Variants in PTPN9 observed in about 807,000 individuals in gnomAD.
PTPN9 encodes tyrosine-protein phosphatase non-receptor type 9.
A neutral mutation model predicts 69.8 loss-of-function variants in PTPN9; 26 were observed. The ratio of observed to expected loss-of-function variants is 0.37; its 90% confidence interval spans 0.27 to 0.52. PTPN9 has a LOEUF of 0.52. Among genes scored for constraint, PTPN9 ranks in the 20% least tolerant of loss-of-function variants. The pLI is 0.91. For synonymous variants in PTPN9, 274 were observed against 272.5 expected (o/e 1.01, Z -0.05); for missense variants, 549 against 740.3 (o/e 0.74, Z 3.00).
intron 6 of PTPN9, among the ~76,000 whole-genome samples, chr15:75,507,641 C>T (rs1396950132): frequency 6.6e-6 from 1 of 151,798 alleles, no homozygotes; most frequent in Admixed American, 6.6e-5. Context: ...ACAGCACACG[C>T]CTGTAGTCCC....
chr15:75,474,731 C>T (rs907329154), intron 9 of PTPN9, among the ~76,000 whole-genome samples: 1 of 152,156 alleles, frequency 6.6e-6, no homozygotes, highest in East Asian at 1.9e-4. Flanking sequence ...TCTCCCCATC[C>T]TGTTCTTCCT....
At chr15:75,471,052 C>G (rs1204283666) in intron 10 of PTPN9, 1 of 546,676 alleles carries the variant, frequency 1.8e-6, no homozygotes, top group African/African-American at 1.9e-5. Flanking sequence ...CAGACAGTTA[C>G]TGAGCACTTA....
In PTPN9 at chr15:75,463,297, A is replaced by C. The variant is rs2074523940; in HGVS notation, c.*5472T>G. 6.6e-6 allele frequency: 1 copy of C among 152,202 alleles called. No homozygotes were observed. The highest frequency in any genetic ancestry group is 1.5e-5 in the Non-Finnish European group (1 of 68,036). The allele number at this position is 152,202 out of a possible 1,614,324, so 9.4% of individuals were successfully genotyped here. On this transcript the variant is annotated 3_prime_UTR_variant, in exon 13 of 13. Coordinates refer to ENST00000618819, the MANE Select transcript of PTPN9 (RefSeq NM_002833.4). Reference sequence around the variant, plus strand: ...TATTAAAAATACATTTTTTCACAGAAGAAAATTCATTAAAAGTCAAGAAAG... The same window carrying C: ...TATTAAAAATACATTTTTTCACAGACGAAAATTCATTAAAAGTCAAGAAAG...
At chr15:75,569,657 A>G (rs1595973173) in intron 1 of PTPN9, among the ~76,000 whole-genome samples, 1 of 145,454 alleles carries the variant, frequency 6.9e-6, no homozygotes, top group South Asian at 2.4e-4. Context: ...GTGAGCGGAG[A>G]TAGTGACAAG....
chr15:75,530,919 T>C (rs923945434), intron 1 of PTPN9, among the ~76,000 whole-genome samples: 1 of 120,990 alleles, frequency 8.3e-6, no homozygotes, highest in Non-Finnish European at 1.6e-5. Flanking sequence ...ATAATATATA[T>C]TTTTATTATT....
At chr15:75,487,177 T>C (rs968255298) in intron 8 of PTPN9, 3 of 152,072 alleles carry the variant, frequency 2.0e-5, no homozygotes, top group Non-Finnish European at 2.9e-5. Flanking sequence ...TATATACAAT[T>C]TCTATCAATT....
At chr15:75,534,192 G>A (rs1283916710) in intron 1 of PTPN9, among the ~76,000 whole-genome samples, 1 of 152,098 alleles carries the variant, frequency 6.6e-6, no homozygotes, top group African/African-American at 2.4e-5. Context: ...ACCATACCTA[G>A]CACTTGGTAG....
chr15:75,494,684 TTC>T (rs1265037230), intron 7 of PTPN9, among the ~76,000 whole-genome samples: 1 of 152,120 alleles, frequency 6.6e-6, no homozygotes, highest in African/African-American at 2.4e-5. Context: ...TCTATTGTTT[TTC>T]TTTTTCCTTC....
chr15:75,509,125 A>C (rs2074833980), intron 5 of PTPN9, 98 bp from the exon 6 acceptor site: 1 of 943,370 alleles, frequency 1.1e-6, no homozygotes, highest in East Asian at 2.5e-5. Flanking sequence ...CTTACCCAGC[A>C]GGGGGAGTCT....
chr15:75,494,131 C>CATATATATATATATATAT (rs71140166), intron 7 of PTPN9, among the ~76,000 whole-genome samples: 34 of 143,500 alleles, frequency 2.4e-4, no homozygotes, highest in African/African-American at 8.1e-4. Flanking sequence ...TTATCAATCC[C>CATATATATATATATATAT]ATATATATAT....
chr15:75,576,794 C>T (rs867972092), intron 1 of PTPN9, among the ~76,000 whole-genome samples: 5 of 151,788 alleles, frequency 3.3e-5, no homozygotes, highest in African/African-American at 1.2e-4. Context: ...GATGACAGGG[C>T]GAGGCTCTGT....
At chr15:75,480,681 C>T (rs1156513412) in intron 8 of PTPN9, 2 of 1,269,446 alleles carry the variant, frequency 1.6e-6, no homozygotes, top group Admixed American at 3.7e-5. Flanking sequence ...GCCGCTGCCG[C>T]GACCGACCGC....
chr15:75,575,419 G>A (rs957143943), intron 1 of PTPN9, among the ~76,000 whole-genome samples: 3 of 152,020 alleles, frequency 2.0e-5, no homozygotes, highest in African/African-American at 7.2e-5. Flanking sequence ...AAATCAAACT[G>A]ACTCTCAAAA....
intron 8 of PTPN9, among the ~76,000 whole-genome samples, chr15:75,488,450 T>C (rs2141298410): frequency 6.6e-6 from 1 of 151,968 alleles, no homozygotes; most frequent in South Asian, 2.1e-4. Context: ...AATAATTTAG[T>C]CATTCATCTC....
chr15:75,530,534 ATATTATTATATTATAATATAT>A (rs2074952338), intron 1 of PTPN9, among the ~76,000 whole-genome samples: 1 of 39,970 alleles, frequency 2.5e-5, no homozygotes, highest in African/African-American at 2.0e-4. Flanking sequence ...TTATTATATA[ATATTATTATATTATAATATAT>A]TATATATTAT....
intron 12 of PTPN9, 118 bp from the exon 13 acceptor site, chr15:75,469,101 G>A (rs755652516): frequency 5.7e-5 from 54 of 946,004 alleles, no homozygotes; most frequent in Non-Finnish European, 7.5e-5. Flanking sequence ...CATGGCAGAA[G>A]GCCAGGTGGC....
Position 75,538,371 on chromosome 15 carries a change from C to T in PTPN9, c.64-11110G>A, listed in dbSNP as rs115521309. On this transcript the variant is annotated intron_variant, in intron 1 of 12. Coordinates refer to ENST00000618819, the MANE Select transcript of PTPN9 (RefSeq NM_002833.4). ...CACTGAAGGTCATACCTAACAGAAG[C>T]CAAAAGATGCGTAACAACCTGATGC... 5.3e-3 allele frequency among the ~76,000 whole-genome samples: 809 copies of T among 152,118 alleles called. 6 individuals carry two copies. Among genetic ancestry groups the T allele is most frequent in the African/African-American group, 0.019 (779 of 41,494 alleles).
Position 75,466,846 on chromosome 15 carries a change from TAA to T in PTPN9, c.*1921_*1922del, listed in dbSNP as rs1252859885. ...GGTGCACAGGAGAAGGGAGAGAAGA[TAA>T]TATCTCACTGAATTGTTGTGAGGTT... On this transcript the variant is annotated 3_prime_UTR_variant, in exon 13 of 13. Transcript: ENST00000618819. 1 of 152,230 alleles carries T rather than the reference TAA, an allele frequency of 6.6e-6. No homozygotes were observed. The highest frequency in any genetic ancestry group is 1.5e-5 in the Non-Finnish European group (1 of 68,044). 9.4% of individuals were successfully genotyped at this position (152,230 alleles called of 1,614,324 possible). A position where few individuals can be genotyped will look rare whatever the true frequency, so the allele number is the denominator to read the frequency against.
In PTPN9 at chr15:75,470,017, G is replaced by A. The variant is rs771966411; in HGVS notation, c.1360-18C>T. The A allele has an allele frequency of 6.3e-7, 1 of 1,590,176 alleles. No homozygotes were observed. The highest frequency in any genetic ancestry group is 8.6e-7 in the Non-Finnish European group (1 of 1,158,762). Reference sequence around the variant, plus strand: ...TGCCGTTCCTTAGATAAGAAAAGAAGTAAACGTTAACAAGGTTATTTCTGC... The same window carrying A: ...TGCCGTTCCTTAGATAAGAAAAGAAATAAACGTTAACAAGGTTATTTCTGC... On this transcript the variant is annotated intron_variant, in intron 11 of 12. Coordinates refer to ENST00000618819, the MANE Select transcript of PTPN9 (RefSeq NM_002833.4).
Sources: gnomAD v4.1 joint callset for allele counts (sites outside exome capture counted in the v4.1 genomes callset) on GRCh38, gnomAD v4.1.1 for gene constraint, MANE v1.5 for transcripts, NCBI Gene and HGNC (gene_info 2026-07-23, HGNC 2026-07-21) for gene names.